The following CCN4 variants were observed in gnomAD, a reference collection of about 807,000 sequenced individuals.
CCN4 encodes cellular communication network factor 4, also known as CCN family member 4.
A neutral mutation model predicts 36.7 loss-of-function variants in CCN4; 30 were observed. The ratio of observed to expected loss-of-function variants is 0.82; its 90% CI spans 0.61 to 1.11. CCN4 has a LOEUF of 1.11. Ranked by LOEUF, CCN4 falls within the 50% of genes least tolerant of loss-of-function variation. The probability of loss-of-function intolerance (pLI) is 0.00; values close to 1 mark genes in which losing one functional copy is unlikely to be tolerated. For synonymous variants in CCN4, 191 were observed against 195.4 expected (o/e 0.98, Z 0.19); for missense variants, 505 against 504.9 (o/e 1.00, Z 0.00).
chr8:133,204,686 C>G (rs1853704139), intron 1 of CCN4, among the ~76,000 whole-genome samples: 1 of 152,224 alleles, frequency 6.6e-6, no homozygotes, highest in African/African-American at 2.4e-5. Flanking sequence ...TCCTGAGCAG[C>G]TGGAACTATA....
intron 1 of CCN4, among the ~76,000 whole-genome samples, chr8:133,198,024 G>T (rs954792620): frequency 6.6e-5 from 10 of 152,196 alleles, no homozygotes; most frequent in African/African-American, 2.4e-4. Context: ...AATAGCTCCT[G>T]CTGTGTGGCT....
At chr8:133,213,814 C>T (rs1439163565) in intron 2 of CCN4, among the ~76,000 whole-genome samples, 1 of 144,078 alleles carries the variant, frequency 6.9e-6, no homozygotes, top group Non-Finnish European at 1.5e-5. Context: ...ACTACATATA[C>T]ACTATATATA....
At chr8:133,224,228 CCTT>C (rs1854639882) in intron 3 of CCN4, among the ~76,000 whole-genome samples, 1 of 58,904 alleles carries the variant, frequency 1.7e-5, no homozygotes, top group African/African-American at 7.1e-5. Flanking sequence ...GCCCGTAAGT[CCTT>C]TTTTTTTTTT....
Position 133,212,935 on chromosome 8 carries a change from A to G in CCN4, c.141A>G (p.Gln47=), listed in dbSNP as rs200725711. 3.4e-5 allele frequency: 55 copies of G among 1,613,080 alleles called. No homozygotes were observed. In the East Asian group the frequency reaches 6.3e-4, roughly 18 times the overall value. The part of the protein sequence containing the change: ...APLEDTSSRP[Q]FCKWPCECPP... ...TGGAGGACACCTCCTCACGCCCCCA[A>G]TTCTGCAAGTGGCCATGTGAGTGCC... The change falls in exon 2 of 5, where the codon CAA becomes CAG. Residue 47 remains glutamine, a synonymous_variant. Coordinates refer to ENST00000250160, the MANE Select transcript of CCN4 (RefSeq NM_003882.4).
At chr8:133,221,054 C>A (rs1474330643) in intron 3 of CCN4, among the ~76,000 whole-genome samples, 1 of 152,234 alleles carries the variant, frequency 6.6e-6, no homozygotes, top group African/African-American at 2.4e-5. Context: ...GGGATCCTCC[C>A]AGCATAAAAT....
chr8:133,213,118 G>A lies in CCN4; in HGVS notation c.324G>A (p.Pro108=), dbSNP rs750979606. 28 of 1,611,862 alleles carry A rather than the reference G, an allele frequency of 1.7e-5. 1 individual carries two copies. The highest frequency in any genetic ancestry group is 5.4e-5 in the African/African-American group (4 of 74,442). The part of the protein sequence containing the change: ...GLYCDYSGDR[P]RYAIGVCAQV... ...ACTGTGACTACAGCGGGGACCGCCC[G>A]AGGTACGCAATAGGAGTGTGTGCAC... The change falls in exon 2 of 5, where the codon CCG becomes CCA. Residue 108 remains proline, a synonymous_variant. Transcript: ENST00000250160.
At chr8:133,219,255 C>T (rs1854433873) in intron 2 of CCN4, among the ~76,000 whole-genome samples, 1 of 152,114 alleles carries the variant, frequency 6.6e-6, no homozygotes. Flanking sequence ...CTTCTCGGAC[C>T]TCCTCTCCTT....
In CCN4 at chr8:133,227,704, C is replaced by G. The variant is rs140629356; in HGVS notation, c.1098C>G (p.Ala366=). The change falls in exon 5 of 5, where the codon GCC becomes GCG. Residue 366 remains alanine, a synonymous_variant. Transcript: ENST00000250160. ...LESYPDFSEI[A]N ...CCTACCCTGACTTCTCAGAAATTGCCAACTAGGCAGGCACAAATCTTGGGT... is the reference window on the plus strand; with the variant it reads ...CCTACCCTGACTTCTCAGAAATTGCGAACTAGGCAGGCACAAATCTTGGGT... 53 of 1,611,680 alleles carry G rather than the reference C, an allele frequency of 3.3e-5. No homozygotes were observed. The highest frequency in any genetic ancestry group is 4.5e-5 in the Non-Finnish European group (53 of 1,178,380).
At chr8:133,201,057 C>A (rs1050101854) in intron 1 of CCN4, among the ~76,000 whole-genome samples, 3 of 152,220 alleles carry the variant, frequency 2.0e-5, no homozygotes, top group Non-Finnish European at 4.4e-5. Flanking sequence ...TTCATCTCAT[C>A]CTCGTAGCCC....
chr8:133,195,251 T>C (rs944459494), intron 1 of CCN4, among the ~76,000 whole-genome samples: 4 of 148,378 alleles, frequency 2.7e-5, no homozygotes, highest in East Asian at 4.0e-4. Context: ...AGTGTATATG[T>C]GGTGTGTTTT....
At chr8:133,202,887 C>A (rs1456574826) in intron 1 of CCN4, among the ~76,000 whole-genome samples, 1 of 152,222 alleles carries the variant, frequency 6.6e-6, no homozygotes, top group Non-Finnish European at 1.5e-5. Flanking sequence ...CTCAGAGGCA[C>A]CCGATGCGCT....
chr8:133,208,010 A>G (rs948635109), intron 1 of CCN4, among the ~76,000 whole-genome samples: 2 of 106,550 alleles, frequency 1.9e-5, no homozygotes, highest in African/African-American at 6.7e-5. Context: ...TTTTTTTTTC[A>G]TCAGAAAATT....
In CCN4 at chr8:133,228,918, TTAA is replaced by T. The variant is rs1402194065; in HGVS notation, c.*1212_*1214del. 1 of 152,164 alleles carries T rather than the reference TTAA, an allele frequency of 6.6e-6. No homozygotes were observed. Among genetic ancestry groups the T allele is most frequent in the Non-Finnish European group, 1.5e-5 (1 of 68,026 alleles). The allele number at this position is 152,164 out of a possible 1,614,324, so 9.4% of individuals were successfully genotyped here. ...CGGTTGTTTAGAAACAGAAATAGAC[TTAA>T]TAAAGGTTTAAAGCTGAAGAGGTTG... is the stretch of plus-strand genomic sequence containing the variant. On this transcript the variant is annotated 3_prime_UTR_variant, in exon 5 of 5. Coordinates refer to ENST00000250160, the MANE Select transcript of CCN4 (RefSeq NM_003882.4).
Position 133,213,080 on chromosome 8 carries a change from C to G in CCN4, c.286C>G (p.His96Asp). 6.2e-7 allele frequency: 1 copy of G among 1,614,118 alleles called. No homozygotes were observed. ...CACGGAGGCTGCCATCTGTGACCCC[C>G]ACCGGGGCCTCTACTGTGACTACAG... ...NCTEAAICDP[H>D]RGLYCDYSGD... Residue 96 changes from histidine (H) to aspartate (D), a missense_variant, in exon 2 of 5, where the codon CAC becomes GAC. By Grantham distance (81) the His-to-Asp change is moderately conservative (BLOSUM62 -1). Coordinates refer to ENST00000250160, the MANE Select transcript of CCN4 (RefSeq NM_003882.4).
chr8:133,200,652 G>C (rs184044937), intron 1 of CCN4, among the ~76,000 whole-genome samples: 1 of 152,312 alleles, frequency 6.6e-6, no homozygotes, highest in East Asian at 1.9e-4. Flanking sequence ...TCATTTTCTT[G>C]TTGTGTCTCA....
At chr8:133,219,625 G>A in intron 2 of CCN4, among the ~76,000 whole-genome samples, 1 of 152,186 alleles carries the variant, frequency 6.6e-6, no homozygotes, top group East Asian at 1.9e-4. Context: ...TCTATTTACA[G>A]CATTGTGTTT....
At chr8:133,201,060 C>G (rs62514010) in intron 1 of CCN4, among the ~76,000 whole-genome samples, 1 of 152,182 alleles carries the variant, frequency 6.6e-6, no homozygotes, top group African/African-American at 2.4e-5. Context: ...ATCTCATCCT[C>G]GTAGCCCTTA....
Position 133,225,477 on chromosome 8 carries a change from G to A in CCN4, c.698G>A (p.Gly233Glu), listed in dbSNP as rs757578293. The A allele has an allele frequency of 2.5e-6, 4 of 1,614,124 alleles. No individual in the cohort carries two copies. The South Asian group carries it at 3.3e-5, about 13-fold the overall frequency. Residue 233 changes from glycine (G) to glutamate (E), a missense_variant, in exon 4 of 5, where the codon GGG becomes GAG. Physicochemically the swap from Gly to Glu is moderately conservative, Grantham distance 98. Transcript: ENST00000250160. ...CCTTGCTCCACCAGCTGCGGCCTGGGGGTCTCCACTCGGATCTCCAATGTT... is the reference window on the plus strand; with the variant it reads ...CCTTGCTCCACCAGCTGCGGCCTGGAGGTCTCCACTCGGATCTCCAATGTT... The part of the protein sequence containing the change: ...WSPCSTSCGL[G>E]VSTRISNVNA...
chr8:133,195,286 T>C (rs1853337604), intron 1 of CCN4, among the ~76,000 whole-genome samples: 1 of 150,760 alleles, frequency 6.6e-6, no homozygotes. Flanking sequence ...GGTGTGTGTG[T>C]GTTGAGTGTG....
Sources: gnomAD v4.1 joint callset for allele counts (sites outside exome capture counted in the v4.1 genomes callset) on GRCh38, gnomAD v4.1.1 for gene constraint, MANE v1.5 for transcripts, NCBI Gene and HGNC (gene_info 2026-07-23, HGNC 2026-07-21) for gene names.